Variants in CHKA observed in about 807,000 individuals in gnomAD.
CHKA encodes CHETK-alpha.
A neutral mutation model predicts 60.1 loss-of-function variants in CHKA; 34 were observed. That is an observed-to-expected ratio of 0.57 (90% CI 0.43 to 0.75). The LOEUF (loss-of-function observed/expected upper bound fraction) is 0.75, where lower values mean the gene tolerates loss of function less well. Among genes scored for constraint, CHKA ranks in the 30% least tolerant of loss-of-function variants. The pLI, the probability that CHKA is intolerant of heterozygous loss-of-function variation, is 0.00. For missense variants in CHKA, 563 were observed against 561.3 expected, an observed-to-expected ratio of 1.00 and a Z score of -0.03; for synonymous variants, 217 against 223.1, an observed-to-expected ratio of 0.97 and a Z score of 0.24.
At chr11:68,109,166 A>G (rs866789745) in intron 1 of CHKA, among the ~76,000 whole-genome samples, 10 of 142,016 alleles carry the variant, frequency 7.0e-5, no homozygotes, top group Non-Finnish European at 1.5e-4. Flanking sequence ...CTCGGCTCAC[A>G]GCAAGCTCCA....
intron 1 of CHKA, among the ~76,000 whole-genome samples, chr11:68,109,688 C>G (rs1292133595): frequency 6.6e-6 from 1 of 152,158 alleles, no homozygotes. Flanking sequence ...TGTGGTGGCT[C>G]GTGCCTGTAG....
At chr11:68,103,464 G>A (rs902781550) in intron 1 of CHKA, among the ~76,000 whole-genome samples, 4 of 152,128 alleles carry the variant, frequency 2.6e-5, no homozygotes, top group African/African-American at 7.2e-5. Flanking sequence ...GATAACAAAC[G>A]TTGACAAGGA....
intron 4 of CHKA, 111 bp downstream of exon 4, chr11:68,074,606 G>A (rs1856724407): frequency 1.1e-6 from 1 of 869,998 alleles, no homozygotes; most frequent in Non-Finnish European, 2.0e-6. Context: ...TAATGACATA[G>A]GTGAGGTTAA....
At chr11:68,087,764 C>T (rs770807178) in intron 2 of CHKA, among the ~76,000 whole-genome samples, 14 of 152,014 alleles carry the variant, frequency 9.2e-5, no homozygotes, top group Non-Finnish European at 1.9e-4. Context: ...TTACATAAAA[C>T]GGTAGATTGA....
At chr11:68,114,970 A>T (rs189078624) in intron 1 of CHKA, among the ~76,000 whole-genome samples, 7 of 152,316 alleles carry the variant, frequency 4.6e-5, no homozygotes, top group African/African-American at 1.4e-4. Context: ...CCAACTTATG[A>T]TGGTTCAACT....
At chr11:68,055,146 A>G (rs948406481) in intron 11 of CHKA, among the ~76,000 whole-genome samples, 4 of 152,202 alleles carry the variant, frequency 2.6e-5, no homozygotes, top group African/African-American at 7.2e-5. Context: ...TAATCCCAAC[A>G]CTTTGGAAGG....
At chr11:68,109,192 C>T (rs1176410103) in intron 1 of CHKA, among the ~76,000 whole-genome samples, 1 of 150,886 alleles carries the variant, frequency 6.6e-6, no homozygotes, top group East Asian at 2.0e-4. Context: ...CGGGTTCACA[C>T]CATTCTCCTG....
intron 2 of CHKA, among the ~76,000 whole-genome samples, chr11:68,092,933 C>T (rs1306616278): frequency 1.3e-5 from 2 of 151,386 alleles, no homozygotes; most frequent in Admixed American, 6.6e-5. Context: ...TTGTCTATGT[C>T]AACTGTCAGA....
At chr11:68,106,846 G>C (rs1275695134) in intron 1 of CHKA, among the ~76,000 whole-genome samples, 2 of 152,192 alleles carry the variant, frequency 1.3e-5, no homozygotes, top group Non-Finnish European at 2.9e-5. Context: ...TCTGGGGCCA[G>C]GTCATTCTTT....
chr11:68,069,871 T>C (rs1358807160), intron 6 of CHKA, among the ~76,000 whole-genome samples: 1 of 151,906 alleles, frequency 6.6e-6, no homozygotes, highest in East Asian at 1.9e-4. Flanking sequence ...CTGCCCTTAC[T>C]CCCTTCTCCC....
chr11:68,069,122 C>T (rs3763946), intron 6 of CHKA, among the ~76,000 whole-genome samples, 185 bp from the exon 7 acceptor site: 1 of 152,154 alleles, frequency 6.6e-6, no homozygotes, highest in East Asian at 1.9e-4. Flanking sequence ...GCCCTCTGCA[C>T]TCAGCTCTTC....
At chr11:68,060,961 A>C (rs1050420205) in intron 11 of CHKA, among the ~76,000 whole-genome samples, 1 of 152,148 alleles carries the variant, frequency 6.6e-6, no homozygotes, top group Non-Finnish European at 1.5e-5. Context: ...GTCCCAAAGG[A>C]AGGCAGCTCA....
At chr11:68,077,969 G>C (rs1565179918) in intron 3 of CHKA, among the ~76,000 whole-genome samples, 1 of 152,136 alleles carries the variant, frequency 6.6e-6, no homozygotes, top group Non-Finnish European at 1.5e-5. Flanking sequence ...GAGATTGCCG[G>C]GTGGACTGGG....
chr11:68,064,466 C>A, intron 10 of CHKA, 59 bp downstream of exon 10: 2 of 855,388 alleles, frequency 2.3e-6, no homozygotes, highest in South Asian at 1.7e-5. Flanking sequence ...CAGCATCTCC[C>A]AAATATAGTC....
At chr11:68,059,993 TG>T (rs1445888089) in intron 11 of CHKA, among the ~76,000 whole-genome samples, 2 of 152,064 alleles carry the variant, frequency 1.3e-5, no homozygotes, top group Non-Finnish European at 2.9e-5. Flanking sequence ...CCATGTTTTT[TG>T]TTTTGTTTTG....
At chr11:68,114,700 A>G (rs562921182) in intron 1 of CHKA, among the ~76,000 whole-genome samples, 23 of 128,444 alleles carry the variant, frequency 1.8e-4, no homozygotes, top group African/African-American at 4.7e-4. Context: ...CTGTCTCGGG[A>G]AAAAAAAAAA....
intron 2 of CHKA, among the ~76,000 whole-genome samples, chr11:68,088,678 C>T (rs1258315484): frequency 6.8e-6 from 1 of 148,048 alleles, no homozygotes; most frequent in East Asian, 2.0e-4. Flanking sequence ...TATCATGGAC[C>T]CTAACCTTAC....
chr11:68,097,363 G>A (rs916198164), intron 1 of CHKA, among the ~76,000 whole-genome samples: 7 of 152,136 alleles, frequency 4.6e-5, no homozygotes, highest in East Asian at 1.9e-4. Context: ...GGCCGGGCAC[G>A]GTGGCTCACG....
At chr11:68,087,192 AAT>A (rs10610679) in intron 2 of CHKA, among the ~76,000 whole-genome samples, 85,243 of 151,686 alleles carry the variant, frequency 0.56, 24,047 homozygotes, top group Middle Eastern at 0.7. Flanking sequence ...TGGATAATAT[AAT>A]ATGAGCCAGG....
Sources: allele counts gnomAD v4.1 joint callset (sites outside exome capture counted in the v4.1 genomes callset), GRCh38; gene constraint gnomAD v4.1.1; transcripts MANE v1.5; gene names NCBI Gene and HGNC (gene_info 2026-07-23, HGNC 2026-07-21).